The following PIK3R4 variants were observed in gnomAD, a reference collection of about 807,000 sequenced individuals.
PIK3R4 encodes phosphoinositide 3-kinase regulatory subunit 4.
Under a neutral mutation model 136.5 loss-of-function variants are expected in PIK3R4, and 46 were observed. That is an observed-to-expected ratio of 0.34 (90% CI 0.27 to 0.43). PIK3R4 has a LOEUF of 0.43. Among genes scored for constraint, PIK3R4 ranks in the 20% least tolerant of loss-of-function variants. PIK3R4 has a pLI of 1.00. For synonymous variants in PIK3R4, 557 were observed against 566.7 expected, an observed-to-expected ratio of 0.98 and a Z score of 0.24; for missense variants, 1,331 against 1,649.5, an observed-to-expected ratio of 0.81 and a Z score of 3.35.
chr3:130,685,539 C>CT (rs1173316670), intron 15 of PIK3R4, among the ~76,000 whole-genome samples: 2 of 152,184 alleles, frequency 1.3e-5, no homozygotes, highest in African/African-American at 2.4e-5. Context: ...CTAGAAACAA[C>CT]TCAGCTATCC....
chr3:130,736,040 T>TC, intron 2 of PIK3R4, 38 bp from the exon 3 acceptor site: 2 of 1,534,436 alleles, frequency 1.3e-6, no homozygotes, highest in East Asian at 4.5e-5. Flanking sequence ...AGAAAAGAGA[T>TC]AAAAAATATC....
intron 7 of PIK3R4, among the ~76,000 whole-genome samples, chr3:130,721,329 TCC>T (rs2107614689): frequency 7.2e-6 from 1 of 138,416 alleles, no homozygotes; most frequent in African/African-American, 2.8e-5. Flanking sequence ...AGAGCGAGAC[TCC>T]GTCTCAAAAA....
chr3:130,726,597 C>T lies in PIK3R4; in HGVS notation c.1807+1866G>A, dbSNP rs149870294. Among the ~76,000 whole-genome samples, 304 of 152,102 alleles carry T rather than the reference C, an allele frequency of 2.0e-3. 1 individual carries two copies. The highest frequency in any genetic ancestry group is 3.6e-3 in the Non-Finnish European group (242 of 67,986). ...TGGGATGGAAAGAGAAGAGGAATAG[C>T]TATGGGAAAAAACATCAAAGCTTTA... On this transcript the variant is annotated intron_variant, in intron 6 of 19. Transcript: ENST00000356763.
Position 130,679,401 on chromosome 3 carries a change from T to C in PIK3R4, c.3991A>G (p.Ile1331Val). 1 of 1,611,744 alleles carries C rather than the reference T, an allele frequency of 6.2e-7. No individual in the cohort carries two copies. The highest frequency in any genetic ancestry group is 8.5e-7 in the Non-Finnish European group (1 of 1,177,850). ...TGGAATGTGGCGACATCAGTGATGA[T>C]GTCATGATGTCCCACGGGCAGGGAC... Reference protein sequence around the residue: ...PESLPVGHHDIITDVATFQTT... With the variant: ...PESLPVGHHDVITDVATFQTT... Residue 1331 changes from isoleucine (I) to valine (V), a missense_variant, in exon 20 of 20, where the codon ATC becomes GTC. This residue lies in a region of PIK3R4 where 1,180 missense variants were observed against 1,407.0 expected (regional missense o/e 0.84). Transcript: ENST00000356763.
chr3:130,707,511 CTG>C (rs2066612000), intron 10 of PIK3R4, among the ~76,000 whole-genome samples: 1 of 152,056 alleles, frequency 6.6e-6, no homozygotes, highest in African/African-American at 2.4e-5. Context: ...TATCAGTTGT[CTG>C]TTCATATCCT....
intron 6 of PIK3R4, among the ~76,000 whole-genome samples, chr3:130,727,224 CTTTT>C (rs776308786): frequency 6.9e-6 from 1 of 144,280 alleles, no homozygotes. Context: ...AACTTAAAGT[CTTTT>C]TTTTTTTTTT....
chr3:130,707,757 A>T (rs528107176), intron 10 of PIK3R4, among the ~76,000 whole-genome samples: 9 of 152,340 alleles, frequency 5.9e-5, no homozygotes, highest in Admixed American at 1.3e-4. Context: ...ACAGGATCTT[A>T]AAAAACTTCA....
At chr3:130,694,380 A>G (rs1450814682) in intron 13 of PIK3R4, among the ~76,000 whole-genome samples, 1 of 151,452 alleles carries the variant, frequency 6.6e-6, no homozygotes, top group Admixed American at 6.6e-5. Context: ...CTGCCATCTT[A>G]ATGATATTAA....
chr3:130,690,869 A>G (rs960802586), intron 13 of PIK3R4, among the ~76,000 whole-genome samples: 4 of 148,018 alleles, frequency 2.7e-5, no homozygotes, highest in Non-Finnish European at 6.0e-5. Flanking sequence ...ACTTCTCTCT[A>G]TCATAGACTA....
At chr3:130,694,403 A>G (rs2066535630) in intron 13 of PIK3R4, among the ~76,000 whole-genome samples, 1 of 151,838 alleles carries the variant, frequency 6.6e-6, no homozygotes, top group Non-Finnish European at 1.5e-5. Flanking sequence ...ATTCCACTGC[A>G]TGAACATGGG....
In PIK3R4 at chr3:130,730,401, C is replaced by G. The variant is rs2066755038; in HGVS notation, c.1492G>C (p.Glu498Gln). 1 of 1,600,180 alleles carries G rather than the reference C, an allele frequency of 6.2e-7. No homozygotes were observed. Among genetic ancestry groups the G allele is most frequent in the East Asian group, 2.3e-5 (1 of 44,148 alleles). Residue 498 changes from glutamate (E) to glutamine (Q), a missense_variant, in exon 5 of 20, where the codon GAA (glutamate) becomes CAA (glutamine). By Grantham distance (29) the Glu-to-Gln change is conservative. This residue lies in a region of PIK3R4 where 1,180 missense variants were observed against 1,407.0 expected (regional missense o/e 0.84). Transcript: ENST00000356763. ...LLAETALRFL[E>Q]LVQLKNLNME... ...TTAAGATTTTTTAACTGTACTAATT[C>G]CAGGAATCTCAGAGCTGTTTCTGCC... is the stretch of plus-strand genomic sequence containing the variant.
rs1158627325 is a variant in PIK3R4, at chr3:130,726,454, A to C, written c.1807+2009T>G. 2.0e-5 allele frequency among the ~76,000 whole-genome samples: 3 copies of C among 152,072 alleles called. No individual in the cohort carries two copies. In the South Asian group the frequency reaches 6.2e-4, roughly 31 times the overall value. On this transcript the variant is annotated intron_variant, in intron 6 of 19. Coordinates refer to ENST00000356763, the MANE Select transcript of PIK3R4 (RefSeq NM_014602.3). ...TTTACAGATAGGTAAACTAAGCCACAAAAAAATTAAATGATTTTCCAAGAA... is the reference window on the plus strand; with the variant it reads ...TTTACAGATAGGTAAACTAAGCCACCAAAAAATTAAATGATTTTCCAAGAA...
chr3:130,743,364 A>C (rs911230522), intron 2 of PIK3R4, among the ~76,000 whole-genome samples: 52 of 152,262 alleles, frequency 3.4e-4, no homozygotes, highest in Admixed American at 1.6e-3. Flanking sequence ...AGTGAGCTAC[A>C]ATTGCACCAC....
At position 130,728,698 on chromosome 3, in the gene PIK3R4, AAAAAGAAAG is replaced by A; in HGVS notation, c.1586-23_1586-15del. On this transcript the variant is annotated splice_polypyrimidine_tract_variant and intron_variant, in intron 5 of 19. Transcript: ENST00000356763. Reference sequence around the variant, plus strand: ...AGGCTTGGAGCTCTAAAAAAAAAAAAAAAAGAAAGAAAGAAAGAAAGAAAAGAAATAGTT... The same window carrying A: ...AGGCTTGGAGCTCTAAAAAAAAAAAAAAAGAAAGAAAGAAAAGAAATAGTT... The A allele has an allele frequency of 6.8e-7, 1 of 1,480,260 alleles. No individual in the cohort carries two copies. Among genetic ancestry groups the A allele is most frequent in the South Asian group, 1.3e-5 (1 of 78,232 alleles). 91.7% of individuals were successfully genotyped at this position (1,480,260 alleles called of 1,614,324 possible).
chr3:130,696,902 T>A (rs1187217906), intron 13 of PIK3R4, among the ~76,000 whole-genome samples: 1 of 152,060 alleles, frequency 6.6e-6, no homozygotes, highest in African/African-American at 2.4e-5. Context: ...TTCTATCGGT[T>A]TTTGCTTAGT....
intron 5 of PIK3R4, among the ~76,000 whole-genome samples, chr3:130,729,498 C>G (rs2066750489): frequency 6.6e-6 from 1 of 152,086 alleles, no homozygotes; most frequent in Non-Finnish European, 1.5e-5. Context: ...AAAATTTTAC[C>G]ATTTAACTTT....
rs1014735976 is a variant in PIK3R4 at position 130,679,234 on chromosome 3, G to C, written c.*81C>G. 1.2e-6 allele frequency: 1 copy of C among 848,046 alleles called. No homozygotes were observed. Among genetic ancestry groups the C allele is most frequent in the African/African-American group, 1.7e-5 (1 of 57,158 alleles). 52.5% of individuals were successfully genotyped at this position (848,046 alleles called of 1,614,324 possible). A position where few individuals can be genotyped will look rare whatever the true frequency, so the allele number is the denominator to read the frequency against. On this transcript the variant is annotated 3_prime_UTR_variant, in exon 20 of 20. Transcript: ENST00000356763. ...ACATAATTTTGAAAATTAAGCAAATGAATCTGTTCTCTAGAAATGCCTTTT... is the reference window on the plus strand; with the variant it reads ...ACATAATTTTGAAAATTAAGCAAATCAATCTGTTCTCTAGAAATGCCTTTT...
chr3:130,724,530 T>C (rs562115197), intron 6 of PIK3R4, among the ~76,000 whole-genome samples: 6 of 152,188 alleles, frequency 3.9e-5, no homozygotes, highest in South Asian at 2.1e-4. Flanking sequence ...AAAGACTTCA[T>C]TGTGTTATAG....
chr3:130,709,801 CA>C (rs2066624862), intron 9 of PIK3R4, among the ~76,000 whole-genome samples: 1 of 152,046 alleles, frequency 6.6e-6, no homozygotes, highest in South Asian at 2.1e-4. Flanking sequence ...ATGATTCCAT[CA>C]ATATGAAATG....
Sources: gnomAD v4.1 joint callset for allele counts (sites outside exome capture counted in the v4.1 genomes callset) on GRCh38, gnomAD v4.1.1 for gene constraint, gnomAD v4.1.1 regional missense constraint, MANE v1.5 for transcripts, NCBI Gene and HGNC (gene_info 2026-07-23, HGNC 2026-07-21) for gene names.